Variants in GPC5 observed in about 807,000 individuals in gnomAD.
The protein encoded by GPC5 is glypican 5.
A neutral mutation model predicts 53.9 loss-of-function variants in GPC5; 47 were observed. The observed-to-expected ratio is 0.87, with a 90% CI of 0.69 to 1.11. The LOEUF is 1.11. GPC5 is among the 50% of genes most tolerant of loss of function. The pLI is 0.00. For synonymous variants in GPC5, 286 were observed against 263.3 expected (o/e 1.09, Z -0.84); for missense variants, 748 against 713.1 (o/e 1.05, Z -0.56).
chr13:91,599,653 T>C (rs2033112456), intron 2 of GPC5, among the ~76,000 whole-genome samples: 1 of 152,238 alleles, frequency 6.6e-6, no homozygotes, highest in African/African-American at 2.4e-5. Flanking sequence ...GAAATTAATT[T>C]ACATAAGTTA....
chr13:91,433,784 C>G (rs575759042), intron 1 of GPC5, among the ~76,000 whole-genome samples: 13 of 152,154 alleles, frequency 8.5e-5, no homozygotes, highest in African/African-American at 3.1e-4. Context: ...ACACTGACTT[C>G]CACGATGGTT....
intron 1 of GPC5, among the ~76,000 whole-genome samples, chr13:91,402,639 A>T (rs1877035654): frequency 6.6e-6 from 1 of 152,252 alleles, no homozygotes; most frequent in South Asian, 2.1e-4. Context: ...ATAAAATGAA[A>T]TAATGTAAAA....
intron 2 of GPC5, among the ~76,000 whole-genome samples, chr13:91,599,288 A>G (rs2139215971): frequency 6.6e-6 from 1 of 152,176 alleles, no homozygotes; most frequent in South Asian, 2.1e-4. Flanking sequence ...GTTGCATCTT[A>G]TTTGTATACA....
At chr13:92,498,658 C>T (rs1272450865) in intron 7 of GPC5, among the ~76,000 whole-genome samples, 1 of 152,162 alleles carries the variant, frequency 6.6e-6, no homozygotes, top group African/African-American at 2.4e-5. Context: ...CTCTCCTGCC[C>T]TGCTCATATC....
At chr13:92,093,528 T>G (rs2041397616) in intron 6 of GPC5, among the ~76,000 whole-genome samples, 1 of 152,308 alleles carries the variant, frequency 6.6e-6, no homozygotes, top group South Asian at 2.1e-4. Flanking sequence ...TGTTATCAAG[T>G]TATTCTTAGT....
intron 7 of GPC5, among the ~76,000 whole-genome samples, chr13:92,832,640 G>A (rs955132646): frequency 6.6e-6 from 1 of 152,052 alleles, no homozygotes; most frequent in African/African-American, 2.4e-5. Flanking sequence ...GGTACCCCTT[G>A]ACTCCCTTAC....
chr13:91,848,662 T>C (rs1016648234), intron 5 of GPC5, among the ~76,000 whole-genome samples: 5 of 152,206 alleles, frequency 3.3e-5, no homozygotes, highest in Admixed American at 2.0e-4. Flanking sequence ...TATCTGTTGT[T>C]AACTATATTT....
intron 6 of GPC5, among the ~76,000 whole-genome samples, chr13:92,037,218 C>T (rs1594737680): frequency 1.3e-5 from 2 of 152,066 alleles, no homozygotes; most frequent in African/African-American, 2.4e-5. Flanking sequence ...CACACGTATG[C>T]GTGCACACAC....
chr13:92,704,819 TTACATATATATACA>T (rs966460487), intron 7 of GPC5, among the ~76,000 whole-genome samples: 3 of 144,396 alleles, frequency 2.1e-5, no homozygotes, highest in African/African-American at 7.6e-5. Flanking sequence ...ATATATATAC[TTACATATATATACA>T]CACACACTCT....
chr13:91,445,303 G>A (rs1203873280), intron 1 of GPC5, among the ~76,000 whole-genome samples: 1 of 152,178 alleles, frequency 6.6e-6, no homozygotes, highest in Non-Finnish European at 1.5e-5. Context: ...CCAGGACAGT[G>A]TCCTCTTGAC....
Position 92,600,894 on chromosome 13 carries a change from T to C in GPC5, c.1562-265388T>C, listed in dbSNP as rs1469270737. Among the ~76,000 whole-genome samples, 3 of 152,094 alleles carry C rather than the reference T, an allele frequency of 2.0e-5. No homozygotes were observed. In the East Asian group the frequency reaches 5.8e-4, roughly 29 times the overall value. ...AATTTACCCAAATATGAAAATAGCCTCCCCTTGGCCCTGAACTCCTCTACA... is the reference window on the plus strand; with the variant it reads ...AATTTACCCAAATATGAAAATAGCCCCCCCTTGGCCCTGAACTCCTCTACA... On this transcript the variant is annotated intron_variant, in intron 7 of 7. Coordinates refer to ENST00000377067, the MANE Select transcript of GPC5 (RefSeq NM_004466.6).
chr13:91,546,618 G>A (rs1326432024), intron 2 of GPC5, among the ~76,000 whole-genome samples: 1 of 151,942 alleles, frequency 6.6e-6, no homozygotes. Flanking sequence ...CATGATGTTT[G>A]TGTTTTAGAA....
intron 2 of GPC5, among the ~76,000 whole-genome samples, chr13:91,671,395 G>C (rs1243546424): frequency 6.6e-6 from 1 of 152,048 alleles, no homozygotes; most frequent in South Asian, 2.1e-4. Flanking sequence ...TTGGTGTAAA[G>C]GAATGCTTGT....
At chr13:91,762,729 A>G (rs1157544284) in intron 5 of GPC5, among the ~76,000 whole-genome samples, 2 of 152,012 alleles carry the variant, frequency 1.3e-5, no homozygotes, top group East Asian at 3.9e-4. Context: ...AAAAAGTGTG[A>G]TTTGAAGACT....
chr13:91,917,912 C>T (rs978824219), intron 6 of GPC5, among the ~76,000 whole-genome samples: 1 of 152,196 alleles, frequency 6.6e-6, no homozygotes, highest in African/African-American at 2.4e-5. Flanking sequence ...CTCTGTTTCC[C>T]AGTTCCAAAG....
chr13:91,576,125 G>A (rs1404744773), intron 2 of GPC5, among the ~76,000 whole-genome samples: 3 of 152,110 alleles, frequency 2.0e-5, no homozygotes, highest in East Asian at 3.8e-4. Flanking sequence ...GCAGACAGAT[G>A]TTGGTCAAAA....
chr13:92,335,263 G>T (rs2043314324), intron 7 of GPC5, among the ~76,000 whole-genome samples: 1 of 152,144 alleles, frequency 6.6e-6, no homozygotes, highest in Non-Finnish European at 1.5e-5. Context: ...CCACATGGAA[G>T]CTGCCAAGGC....
intron 5 of GPC5, among the ~76,000 whole-genome samples, chr13:91,866,090 A>T (rs1178090535): frequency 2.0e-5 from 3 of 151,940 alleles, no homozygotes; most frequent in African/African-American, 4.8e-5. Flanking sequence ...CTGGTCTCGA[A>T]CTCCCGACCT....
Position 91,756,387 on chromosome 13 carries a change from T to C in GPC5, c.1247T>C (p.Leu416Pro). Residue 416 changes from leucine (L) to proline (P), a missense_variant, in exon 5 of 8, where the codon CTT becomes CCT. Coordinates refer to ENST00000377067, the MANE Select transcript of GPC5 (RefSeq NM_004466.6). ...CANELAAADG[L>P]PCWNGEDIVK... Reference sequence around the variant, plus strand: ...AATGAATTAGCTGCTGCAGATGGACTTCCCTGCTGGAATGGAGAAGATATA... The same window carrying C: ...AATGAATTAGCTGCTGCAGATGGACCTCCCTGCTGGAATGGAGAAGATATA... 6.3e-7 allele frequency: 1 copy of C among 1,595,006 alleles called. No homozygotes were observed. Among genetic ancestry groups the C allele is most frequent in the African/African-American group, 1.3e-5 (1 of 74,790 alleles).
Sources: allele counts gnomAD v4.1 joint callset (sites outside exome capture counted in the v4.1 genomes callset), GRCh38; gene constraint gnomAD v4.1.1; transcripts MANE v1.5; gene names NCBI Gene and HGNC (gene_info 2026-07-23, HGNC 2026-07-21).